The following DPYD variants were observed in gnomAD, a reference collection of about 807,000 sequenced individuals.
DPYD encodes the protein dihydropyrimidine dehydrogenase, also known as dihydropyrimidine dehydrogenase [NADP(+)].
A neutral mutation model predicts 116.2 loss-of-function variants in DPYD; 109 were observed. That is an observed-to-expected ratio of 0.94 (90% CI 0.80 to 1.10). The LOEUF is 1.10. DPYD is among the 50% of genes least tolerant of loss of function. The pLI, the probability that DPYD is intolerant of heterozygous loss-of-function variation, is 0.00. For missense variants in DPYD, 1,302 were observed against 1,254.5 expected, an observed-to-expected ratio of 1.04 and a Z score of -0.57; for synonymous variants, 440 against 432.0, an observed-to-expected ratio of 1.02 and a Z score of -0.23.
intron 16 of DPYD, among the ~76,000 whole-genome samples, chr1:97,350,034 C>A (rs1670064018): frequency 6.7e-6 from 1 of 149,422 alleles, no homozygotes. Flanking sequence ...AACAGAAAGA[C>A]AAAGTTAATT....
chr1:97,751,456 GTGTGTATATATA>G (rs1379417952), intron 3 of DPYD, among the ~76,000 whole-genome samples: 1 of 24,422 alleles, frequency 4.1e-5, no homozygotes, highest in African/African-American at 1.1e-4. Flanking sequence ...GTGTGTGTGT[GTGTGTATATATA>G]TATATATATA....
intron 3 of DPYD, chr1:97,796,855 C>T (rs1330706273): frequency 6.6e-6 from 1 of 152,072 alleles, no homozygotes; most frequent in African/African-American, 2.4e-5. Flanking sequence ...TATGTGTCGG[C>T]CATAAGCTGT....
At chr1:97,664,502 C>A (rs1336310539) in intron 8 of DPYD, among the ~76,000 whole-genome samples, 1 of 151,716 alleles carries the variant, frequency 6.6e-6, no homozygotes, top group Non-Finnish European at 1.5e-5. Context: ...AAAACACACA[C>A]AAATATACAT....
intron 16 of DPYD, among the ~76,000 whole-genome samples, chr1:97,312,261 T>A (rs543535812): frequency 1.3e-5 from 2 of 151,932 alleles, no homozygotes; most frequent in South Asian, 4.1e-4. Context: ...TAAAGACTGA[T>A]AATATCCCTC....
chr1:97,278,660 G>T (rs914760269), intron 18 of DPYD, among the ~76,000 whole-genome samples: 3 of 152,138 alleles, frequency 2.0e-5, no homozygotes, highest in Non-Finnish European at 4.4e-5. Context: ...GCCAAATGAG[G>T]ATAATCTGAT....
intron 7 of DPYD, among the ~76,000 whole-genome samples, chr1:97,690,418 GC>G (rs1186606310): frequency 6.6e-6 from 1 of 151,716 alleles, no homozygotes; most frequent in African/African-American, 2.4e-5. Context: ...GAGAAATAAA[GC>G]CTAATTTCTT....
At chr1:97,269,145 C>G (rs1014258530) in intron 18 of DPYD, among the ~76,000 whole-genome samples, 15 of 152,232 alleles carry the variant, frequency 9.9e-5, no homozygotes, top group African/African-American at 3.1e-4. Flanking sequence ...ACAATTCTAC[C>G]ACATTTTTTT....
chr1:97,442,815 A>G (rs1045934239), intron 14 of DPYD, among the ~76,000 whole-genome samples: 11 of 152,182 alleles, frequency 7.2e-5, no homozygotes, highest in South Asian at 6.2e-4. Context: ...TTGAAAATCA[A>G]TTGGGCAATA....
chr1:97,184,639 C>T (rs2101805944), intron 20 of DPYD, among the ~76,000 whole-genome samples: 1 of 152,234 alleles, frequency 6.6e-6, no homozygotes, highest in African/African-American at 2.4e-5. Context: ...ATAGTTTTTA[C>T]ATGCCATTGT....
At chr1:97,365,840 C>A (rs754259180) in intron 16 of DPYD, among the ~76,000 whole-genome samples, 9 of 152,084 alleles carry the variant, frequency 5.9e-5, no homozygotes, top group Non-Finnish European at 1.2e-4. Context: ...CGCCATGTTG[C>A]CCAGGCTGGT....
intron 18 of DPYD, among the ~76,000 whole-genome samples, chr1:97,245,128 T>G (rs1662626385): frequency 6.6e-6 from 1 of 152,104 alleles, no homozygotes. Flanking sequence ...CACTCGTTAT[T>G]TATATCCTCA....
chr1:97,195,197 A>G (rs1413229), intron 19 of DPYD, among the ~76,000 whole-genome samples: 108,721 of 151,846 alleles, frequency 0.72, 40,168 homozygotes, highest in East Asian at 0.99. Flanking sequence ...CAACCATTAA[A>G]ACAAAACTGA....
At chr1:97,602,622 T>A (rs1460554507) in intron 8 of DPYD, among the ~76,000 whole-genome samples, 1 of 151,920 alleles carries the variant, frequency 6.6e-6, no homozygotes, top group Non-Finnish European at 1.5e-5. Flanking sequence ...AATACATAGA[T>A]TTTATTTTGT....
At chr1:97,831,737 G>C (rs1669545066) in intron 2 of DPYD, among the ~76,000 whole-genome samples, 1 of 151,794 alleles carries the variant, frequency 6.6e-6, no homozygotes, top group Non-Finnish European at 1.5e-5. Flanking sequence ...AAAGAGAAAA[G>C]GGGACAGAGA....
chr1:97,794,972 A>T (rs1246606173), intron 3 of DPYD, among the ~76,000 whole-genome samples: 1 of 152,108 alleles, frequency 6.6e-6, no homozygotes, highest in Non-Finnish European at 1.5e-5. Context: ...CAATATACCT[A>T]ATCTTGTTTG....
intron 14 of DPYD, among the ~76,000 whole-genome samples, chr1:97,446,033 C>G (rs1676070078): frequency 6.6e-6 from 1 of 152,036 alleles, no homozygotes; most frequent in Non-Finnish European, 1.5e-5. Flanking sequence ...AGCCAATTGT[C>G]TGATGTTTTT....
At chr1:97,686,999 G>A (rs955282609) in intron 7 of DPYD, among the ~76,000 whole-genome samples, 28 of 152,134 alleles carry the variant, frequency 1.8e-4, no homozygotes, top group South Asian at 8.3e-4. Context: ...GGCCAGGCAC[G>A]GTGGCTCATG....
rs1029295248 is a variant in DPYD, at chr1:97,812,731, T to C, written c.233+15383A>G. Among the ~76,000 whole-genome samples the C allele has an allele frequency of 5.3e-5, 8 of 152,200 alleles. No homozygotes were observed. The South Asian group carries it at 1.4e-3, about 28-fold the overall frequency. On this transcript the variant is annotated intron_variant, in intron 3 of 22. Transcript: ENST00000370192. ...TTATAAACAAGCAGAAAAATCATAA[T>C]CACAGGCATACAATGATTCAGGTAT...
intron 1 of DPYD, among the ~76,000 whole-genome samples, chr1:97,894,184 C>T (rs1485014070): frequency 1.3e-5 from 2 of 151,748 alleles, no homozygotes; most frequent in African/African-American, 4.8e-5. Flanking sequence ...CACCTTTTTG[C>T]AGTGTGATCA....
Sources: gnomAD v4.1 joint callset for allele counts (sites outside exome capture counted in the v4.1 genomes callset) on GRCh38, gnomAD v4.1.1 for gene constraint, MANE v1.5 for transcripts, NCBI Gene and HGNC (gene_info 2026-07-23, HGNC 2026-07-21) for gene names.